PIN4: variants seen among roughly 807,000 people sequenced by gnomAD.
PIN4 encodes the protein peptidylprolyl cis/trans isomerase, NIMA-interacting 4, also known as peptidyl-prolyl cis-trans isomerase NIMA-interacting 4.
Under a neutral mutation model 8.3 loss-of-function variants are expected in PIN4, and 3 were observed. The observed-to-expected ratio is 0.36, with a 90% confidence interval of 0.16 to 0.93. PIN4 has a LOEUF of 0.93. Among genes scored for constraint, PIN4 ranks in the 40% least tolerant of loss-of-function variants. The pLI, the probability that PIN4 is intolerant of heterozygous loss-of-function variation, is 0.44. For synonymous variants in PIN4, 18 were observed against 32.5 expected (o/e 0.55, Z 1.52); for missense variants, 75 against 100.6 (o/e 0.75, Z 1.09).
At chrX:72,202,570 C>T (rs191703459), downstream of PIN4, among the ~76,000 whole-genome samples, 396 of 111,693 alleles carry the variant, frequency 3.5e-3, no homozygotes, top group African/African-American at 0.012. Context: ...GCAGCTACTC[C>T]CTTCACATCA....
chrX:72,238,451 T>G (rs1395371452), intron 3 of PIN4, among the ~76,000 whole-genome samples: 2 of 111,737 alleles, frequency 1.8e-5, no homozygotes, highest in Non-Finnish European at 3.8e-5. Context: ...AACCTAGTAA[T>G]TATTGCTTTA....
chrX:72,253,171 T>A (rs1876850558), intron 3 of PIN4, among the ~76,000 whole-genome samples: 1 of 111,628 alleles, frequency 9.0e-6, no homozygotes, highest in African/African-American at 3.3e-5. Flanking sequence ...CCTCATCCAG[T>A]TCATCACCAA....
intron 3 of PIN4, chrX:72,208,501 T>C (rs148217488): frequency 8.3e-7 from 1 of 1,210,253 alleles, no homozygotes; most frequent in African/African-American, 1.7e-5. Flanking sequence ...CAGTTCTCGA[T>C]AAAGTAGCAA....
intron 3 of PIN4, chrX:72,206,628 T>C: frequency 8.3e-7 from 1 of 1,211,546 alleles, no homozygotes; most frequent in Non-Finnish European, 1.1e-6. Context: ...ACTCTTTATT[T>C]TGAGACTCGA....
Position 72,248,297 on chromosome X carries a change from A to G in PIN4, c.313-14410A>G, listed in dbSNP as rs1459585332. Among the ~76,000 whole-genome samples, 16 of 23,159 alleles carry G rather than the reference A, an allele frequency of 6.9e-4. No individual in the cohort carries two copies. In the African/African-American group the frequency reaches 0.016, roughly 23 times the overall value. 20.1% of individuals were successfully genotyped at this position (23,159 alleles called of 115,157 possible). A position where few individuals can be genotyped will look rare whatever the true frequency, so the allele number is the denominator to read the frequency against. On this transcript the variant is annotated intron_variant, in intron 3 of 3. Transcript: ENST00000423432. The stretch of plus-strand genomic sequence containing the variant: ...ACATAGCTTGCTCCATCCAGAAAAA[A>G]AAAAAAAAAAAAAAAAAAAAAAAAA...
At chrX:72,191,952 T>C (rs994812475) in intron 2 of PIN4, among the ~76,000 whole-genome samples, 11 of 109,753 alleles carry the variant, frequency 1.0e-4, no homozygotes, top group Non-Finnish European at 1.9e-4. Flanking sequence ...GGTTTTTTTG[T>C]TTTTGTTTTT....
chrX:72,246,463 C>A (rs1404802347), intron 3 of PIN4, among the ~76,000 whole-genome samples: 1 of 111,087 alleles, frequency 9.0e-6, no homozygotes, highest in East Asian at 2.8e-4. Context: ...TCAAAAATAC[C>A]AAACTGATCA....
intron 3 of PIN4, chrX:72,207,504 A>T (rs1324081712): frequency 3.3e-6 from 4 of 1,208,663 alleles, no homozygotes; most frequent in African/African-American, 1.8e-5. Context: ...GCAAACAACA[A>T]GCCCGTGCAG....
chrX:72,252,976 GTCCCA>G (rs777656404), intron 3 of PIN4, among the ~76,000 whole-genome samples: 1 of 111,131 alleles, frequency 9.0e-6, no homozygotes, highest in East Asian at 2.8e-4. Context: ...TCTCACTGGA[GTCCCA>G]GACTCCTATA....
At chrX:72,249,467 T>C (rs1170162625) in intron 3 of PIN4, among the ~76,000 whole-genome samples, 1 of 111,709 alleles carries the variant, frequency 9.0e-6, no homozygotes, top group African/African-American at 3.3e-5. Context: ...CAGAGAGACT[T>C]GTACAAGAAT....
intron 3 of PIN4, chrX:72,239,000 G>C: frequency 1.1e-6 from 1 of 897,302 alleles, no homozygotes; most frequent in Non-Finnish European, 1.6e-6. Flanking sequence ...TTTGGAGCTT[G>C]AATTTCGCTC....
intron 3 of PIN4, among the ~76,000 whole-genome samples, chrX:72,229,268 C>A (rs1294964942): frequency 9.0e-6 from 1 of 111,541 alleles, no homozygotes; most frequent in Non-Finnish European, 1.9e-5. Flanking sequence ...ATCAAACTAA[C>A]CGAGTTAACT....
chrX:72,214,978 C>T (rs2042879983), intron 3 of PIN4, among the ~76,000 whole-genome samples: 1 of 111,536 alleles, frequency 9.0e-6, no homozygotes, highest in Admixed American at 9.6e-5. Flanking sequence ...AAAAGCAAGA[C>T]TCTGACTCAA....
At chrX:72,210,202 AAAATAAATAAAT>A (rs58086876) in intron 3 of PIN4, among the ~76,000 whole-genome samples, 126 of 97,187 alleles carry the variant, frequency 1.3e-3, no homozygotes, top group East Asian at 3.1e-3. Context: ...TGTCTCTTAA[AAAATAAATAAAT>A]AAATAAATAA....
intron 3 of PIN4, among the ~76,000 whole-genome samples, chrX:72,224,159 C>T (rs933358796): frequency 1.8e-5 from 2 of 111,108 alleles, no homozygotes; most frequent in African/African-American, 3.3e-5. Flanking sequence ...GATACTGGGG[C>T]GAGCCTATCA....
intron 3 of PIN4, chrX:72,205,165 T>C: frequency 8.3e-7 from 1 of 1,211,840 alleles, no homozygotes; most frequent in Non-Finnish European, 1.1e-6. Flanking sequence ...TACAAGAGTC[T>C]CATAGTCATT....
chrX:72,205,746 G>C (rs771884439), intron 3 of PIN4: 1 of 1,211,008 alleles, frequency 8.3e-7, no homozygotes, highest in South Asian at 1.8e-5. Context: ...CTGGTTCATC[G>C]TCTTTCTCAG....
At chrX:72,252,384 T>G (rs1162654665) in intron 3 of PIN4, among the ~76,000 whole-genome samples, 1 of 107,498 alleles carries the variant, frequency 9.3e-6, no homozygotes, top group Non-Finnish European at 1.9e-5. Flanking sequence ...TCCAGGTCTT[T>G]TCTTTTCTTT....
intron 3 of PIN4, among the ~76,000 whole-genome samples, chrX:72,238,192 C>T (rs2043028396): frequency 8.9e-6 from 1 of 111,769 alleles, no homozygotes; most frequent in African/African-American, 3.3e-5. Context: ...AGTTTCTGCA[C>T]AAAAAGATAA....
Sources: allele counts gnomAD v4.1 joint callset (sites outside exome capture counted in the v4.1 genomes callset), GRCh38; gene constraint gnomAD v4.1.1; transcripts MANE v1.5; gene names NCBI Gene and HGNC (gene_info 2026-07-23, HGNC 2026-07-21).